Variants in PDE4D observed in about 807,000 individuals in gnomAD.
The protein encoded by PDE4D is 3',5'-cyclic-AMP phosphodiesterase 4D.
In PDE4D, 24 loss-of-function variants were observed where a neutral mutation model predicts 87.4. The ratio of observed to expected loss-of-function variants is 0.27; its 90% confidence interval spans 0.20 to 0.39. The LOEUF (loss-of-function observed/expected upper bound fraction) is 0.39, where lower values mean the gene tolerates loss of function less well. PDE4D is among the 10% of genes least tolerant of loss of function. The probability of loss-of-function intolerance (pLI) is 1.00; values close to 1 mark genes in which losing one functional copy is unlikely to be tolerated. For synonymous variants in PDE4D, 384 were observed against 383.2 expected, an observed-to-expected ratio of 1.00 and a Z score of -0.02; for missense variants, 714 against 1,041.0, an observed-to-expected ratio of 0.69 and a Z score of 4.32.
At position 58,972,962 on chromosome 5, in the gene PDE4D, G is replaced by C. The variant is rs1316679450; in HGVS notation, c.*1702C>G. 1 of 152,166 alleles carries C rather than the reference G, an allele frequency of 6.6e-6. No individual in the cohort carries two copies. The highest frequency in any genetic ancestry group is 1.5e-5 in the Non-Finnish European group (1 of 68,034). 9.4% of individuals were successfully genotyped at this position (152,166 alleles called of 1,614,324 possible). A position where few individuals can be genotyped will look rare whatever the true frequency, so the allele number is the denominator to read the frequency against. On this transcript the variant is annotated 3_prime_UTR_variant, in exon 15 of 15. Coordinates refer to ENST00000340635, the MANE Select transcript of PDE4D (RefSeq NM_001104631.2). ...TCTTCTTTCCCTCCATGTGTTTAAA[G>C]AAGTAGTTCCCCTCTGCAAGATATG... is the stretch of plus-strand genomic sequence containing the variant.
At chr5:59,132,589 G>A (rs577414178) in intron 5 of PDE4D, among the ~76,000 whole-genome samples, 43 of 152,178 alleles carry the variant, frequency 2.8e-4, no homozygotes, top group African/African-American at 9.6e-4. Flanking sequence ...TAAAAATGGG[G>A]AGCATGCAAT....
intron 1 of PDE4D, among the ~76,000 whole-genome samples, chr5:60,263,401 C>T (rs181939159): frequency 9.7e-4 from 148 of 152,316 alleles, no homozygotes; most frequent in Admixed American, 2.4e-3. Flanking sequence ...CGTCTAGCGG[C>T]TGGGTGACGC....
chr5:59,905,033 G>A (rs1752672602), intron 3 of PDE4D, among the ~76,000 whole-genome samples: 1 of 152,020 alleles, frequency 6.6e-6, no homozygotes, highest in South Asian at 2.1e-4. Flanking sequence ...AGTGATACAA[G>A]ATTTTATTTA....
chr5:59,969,002 G>A lies in PDE4D; in HGVS notation c.272+19486C>T, dbSNP rs6873064. Among the ~76,000 whole-genome samples the A allele has an allele frequency of 8.3e-3, 1,023 of 123,248 alleles. 6 individuals are homozygous for A. Among genetic ancestry groups the A allele is most frequent in the South Asian group, 0.019 (73 of 3,842 alleles). The allele number at this position is 123,248 out of a possible 152,430, so 80.9% of individuals were successfully genotyped here. On this transcript the variant is annotated intron_variant, in intron 3 of 16. Coordinates refer to the PDE4D transcript ENST00000502484. ...AAGGAAGAAAAGGCACCCCCCCCCC[G>A]AAAAAAAGAGAAGCATCTTGATATA...
intron 2 of PDE4D, among the ~76,000 whole-genome samples, chr5:60,114,531 A>C (rs1240708416): frequency 6.6e-6 from 1 of 152,108 alleles, no homozygotes; most frequent in Non-Finnish European, 1.5e-5. Context: ...CTGGAGGTCA[A>C]GACATTATGA....
chr5:60,342,678 A>T (rs1371726353), intron 1 of PDE4D, among the ~76,000 whole-genome samples: 13 of 138,506 alleles, frequency 9.4e-5, no homozygotes. Context: ...TGAGAATAGG[A>T]TAATCGGAAA....
intron 1 of PDE4D, among the ~76,000 whole-genome samples, chr5:59,571,137 C>T (rs978236938): frequency 6.6e-6 from 1 of 152,166 alleles, no homozygotes; most frequent in Non-Finnish European, 1.5e-5. Context: ...GAAAGAGATT[C>T]TTCTTCATGC....
intron 1 of PDE4D, among the ~76,000 whole-genome samples, chr5:60,201,893 T>TA (rs1344648720): frequency 1.3e-5 from 2 of 152,144 alleles, no homozygotes; most frequent in African/African-American, 4.8e-5. Context: ...TTGACAGAGT[T>TA]AACATTTTTT....
At chr5:59,668,070 T>A (rs557360101) in intron 1 of PDE4D, among the ~76,000 whole-genome samples, 2 of 152,348 alleles carry the variant, frequency 1.3e-5, no homozygotes, top group African/African-American at 4.8e-5. Context: ...AGACTGCATA[T>A]AATGACTATA....
chr5:60,217,498 A>G (rs1743996139), intron 1 of PDE4D, among the ~76,000 whole-genome samples: 1 of 151,982 alleles, frequency 6.6e-6, no homozygotes, highest in African/African-American at 2.4e-5. Flanking sequence ...TGGTGACTGG[A>G]TTTTCAAATC....
intron 6 of PDE4D, among the ~76,000 whole-genome samples, chr5:59,014,251 T>C (rs1753490462): frequency 6.6e-6 from 1 of 152,084 alleles, no homozygotes; most frequent in African/African-American, 2.4e-5. Context: ...CAGGGATGCC[T>C]TCTCTCACCG....
chr5:59,674,102 A>G (rs1747667303), intron 1 of PDE4D, among the ~76,000 whole-genome samples: 1 of 152,214 alleles, frequency 6.6e-6, no homozygotes, highest in Admixed American at 6.5e-5. Flanking sequence ...CAGAGGAAAA[A>G]GTAAGATAAA....
chr5:59,988,321 C>A (rs1762649217), intron 3 of PDE4D: 2 of 511,292 alleles, frequency 3.9e-6, no homozygotes, highest in Non-Finnish European at 3.5e-6. Context: ...TCTTCTCCTG[C>A]AGATATAGAA....
intron 1 of PDE4D, among the ~76,000 whole-genome samples, chr5:59,847,155 G>A (rs548700466): frequency 1.2e-4 from 18 of 151,984 alleles, no homozygotes; most frequent in East Asian, 9.7e-4. Flanking sequence ...CATACAACTC[G>A]GCGCTGTGAG....
intron 1 of PDE4D, among the ~76,000 whole-genome samples, chr5:59,699,811 C>CGA (rs1752301977): frequency 6.6e-6 from 1 of 152,016 alleles, no homozygotes; most frequent in Admixed American, 6.6e-5. Flanking sequence ...TTTATTTTTT[C>CGA]AAAATCTTAT....
chr5:59,467,527 TA>T (rs1318157462), intron 1 of PDE4D, among the ~76,000 whole-genome samples: 2 of 152,248 alleles, frequency 1.3e-5, no homozygotes, highest in African/African-American at 4.8e-5. Context: ...TTTAATAATA[TA>T]TTTACTCACA....
chr5:60,518,800 A>T (rs978546761), intron 1 of PDE4D, among the ~76,000 whole-genome samples: 1 of 152,204 alleles, frequency 6.6e-6, no homozygotes, highest in African/African-American at 2.4e-5. Flanking sequence ...CAACCCAAGA[A>T]ACTATCATCA....
At chr5:59,868,812 G>A (rs1747413677) in intron 1 of PDE4D, among the ~76,000 whole-genome samples, 1 of 152,124 alleles carries the variant, frequency 6.6e-6, no homozygotes, top group Non-Finnish European at 1.5e-5. Context: ...GGCTAAACAA[G>A]ATTATCTTTC....
chr5:59,818,194 TG>T (rs1769219364), intron 1 of PDE4D, among the ~76,000 whole-genome samples: 1 of 152,214 alleles, frequency 6.6e-6, no homozygotes, highest in South Asian at 2.1e-4. Context: ...AAAAATAGAC[TG>T]TTCTCTTGCA....
Sources: allele counts gnomAD v4.1 joint callset (sites outside exome capture counted in the v4.1 genomes callset), GRCh38; gene constraint gnomAD v4.1.1; transcripts MANE v1.5; gene names NCBI Gene and HGNC (gene_info 2026-07-23, HGNC 2026-07-21).